EIF2D: variants seen among roughly 807,000 people sequenced by gnomAD.
EIF2D encodes the protein eukaryotic translation initiation factor 2D, also known as hepatocellular carcinoma-associated antigen 56.
Under a neutral mutation model 77.4 loss-of-function variants are expected in EIF2D, and 56 were observed. That is an observed-to-expected ratio of 0.72 (90% CI 0.58 to 0.90). EIF2D has a LOEUF of 0.90. Ranked by LOEUF, EIF2D falls within the 40% of genes least tolerant of loss-of-function variation. The pLI is 0.00. For synonymous variants in EIF2D, 230 were observed against 271.0 expected (o/e 0.85, Z 1.49); for missense variants, 574 against 706.5 (o/e 0.81, Z 2.13).
chr1:206,589,402 G>C (rs1669269932), downstream of EIF2D: 1 of 152,498 alleles, frequency 6.6e-6, no homozygotes, highest in African/African-American at 2.4e-5. Context: ...CCAGTGAGCA[G>C]AGAAATGAAG....
intron 12 of EIF2D, among the ~76,000 whole-genome samples, 181 bp downstream of exon 12, chr1:206,596,919 C>T (rs529776007): frequency 8.1e-6 from 1 of 122,902 alleles, no homozygotes; most frequent in African/African-American, 3.2e-5. Flanking sequence ...CATATTGGCT[C>T]AAATTGTTCC....
chr1:206,608,058 C>A (rs1158032832), intron 4 of EIF2D, among the ~76,000 whole-genome samples, 178 bp downstream of exon 4: 2 of 152,118 alleles, frequency 1.3e-5, no homozygotes, highest in African/African-American at 2.4e-5. Flanking sequence ...TACACTCTGC[C>A]CAGGCACATG....
chr1:206,581,530 C>T (rs1259758673), intron 2 of EIF2D, among the ~76,000 whole-genome samples: 2 of 151,916 alleles, frequency 1.3e-5, no homozygotes, highest in East Asian at 1.9e-4. Flanking sequence ...ACCTGGGAGG[C>T]AGAGATTGCA....
Position 206,593,689 on chromosome 1 carries a change from AG to A in EIF2D, c.1613del (p.Pro538LeufsTer37), listed in dbSNP as rs781876753. 1 of 1,613,976 alleles carries A rather than the reference AG, an allele frequency of 6.2e-7. No homozygotes were observed. The highest frequency in any genetic ancestry group is 8.5e-7 in the Non-Finnish European group (1 of 1,179,958). ...GCACCTGAAGGCTGTCCTTGGCCCC[AG>A]GGGCAGGATTGACGGTGGTGCTAGC... ...CQASTTVNPA[P>X]GAKDSLQVQI... On this transcript the variant is annotated frameshift_variant, in exon 14 of 15. Coordinates refer to ENST00000271764, the MANE Select transcript of EIF2D (RefSeq NM_006893.3). LOFTEE classifies it high-confidence loss of function.
chr1:206,572,210 T>C (rs1303792499), intron 5 of EIF2D, among the ~76,000 whole-genome samples: 1 of 152,192 alleles, frequency 6.6e-6, no homozygotes, highest in Non-Finnish European at 1.5e-5. Context: ...TTGTGTTTTC[T>C]TCAACGCATG....
intron 6 of EIF2D, 79 bp from the exon 7 acceptor site, chr1:206,602,532 T>C: frequency 1.6e-6 from 2 of 1,271,180 alleles, no homozygotes; most frequent in South Asian, 2.4e-5. Flanking sequence ...CCCAGCTTCA[T>C]CCCTACCTCA....
At chr1:206,591,994 A>T in intron 14 of EIF2D, 149 bp from the exon 15 acceptor site, 1 of 691,506 alleles carries the variant, frequency 1.4e-6, no homozygotes, top group East Asian at 2.6e-5. Flanking sequence ...CTCACAGCTG[A>T]TGTGTATATT....
At chr1:206,585,131 C>T (rs781952337) in intron 2 of EIF2D, 8 of 1,437,390 alleles carry the variant, frequency 5.6e-6, no homozygotes, top group South Asian at 2.3e-5. Context: ...GCCTGGGCCC[C>T]GCCCTTCTTT....
At chr1:206,605,528 G>A (rs1312747554) in intron 4 of EIF2D, 21 bp from the exon 5 acceptor site, 20 of 1,602,494 alleles carry the variant, frequency 1.2e-5, no homozygotes, top group Non-Finnish European at 1.7e-5. Flanking sequence ...GGAAGCCAGA[G>A]ACCAGGGTCA....
chr1:206,602,218 C>T, intron 7 of EIF2D, 118 bp downstream of exon 7: 1 of 733,710 alleles, frequency 1.4e-6, no homozygotes, highest in South Asian at 1.7e-5. Context: ...CTTCCCTCCA[C>T]TCTTTCCACA....
intron 11 of EIF2D, 43 bp downstream of exon 11, chr1:206,598,960 C>G: frequency 1.1e-5 from 17 of 1,594,932 alleles, no homozygotes; most frequent in Non-Finnish European, 1.5e-5. Context: ...CTGATAAAGA[C>G]AAAGACCCAA....
At chr1:206,583,480 G>A in intron 2 of EIF2D, 1 of 813,224 alleles carries the variant, frequency 1.2e-6, no homozygotes, top group Non-Finnish European at 2.1e-6. Flanking sequence ...TCCCTGGCAG[G>A]TCCCCTCCCT....
At chr1:206,606,452 C>G (rs1553412727) in intron 4 of EIF2D, among the ~76,000 whole-genome samples, 1 of 152,136 alleles carries the variant, frequency 6.6e-6, no homozygotes, top group Admixed American at 6.5e-5. Flanking sequence ...TCATTACCCC[C>G]ACCACAAACC....
intron 4 of EIF2D, among the ~76,000 whole-genome samples, chr1:206,606,107 G>A (rs1198056266): frequency 2.6e-5 from 4 of 152,166 alleles, no homozygotes; most frequent in Admixed American, 2.0e-4. Context: ...AACTTCCAAA[G>A]CCCAGATGAG....
At chr1:206,594,061 T>A in intron 13 of EIF2D, 1 of 269,788 alleles carries the variant, frequency 3.7e-6, no homozygotes, top group Non-Finnish European at 7.0e-6. Context: ...TTAAGTTTTA[T>A]TTGGAGAATT....
intron 4 of EIF2D, among the ~76,000 whole-genome samples, chr1:206,606,746 A>C (rs781826219): frequency 6.6e-6 from 1 of 152,224 alleles, no homozygotes; most frequent in African/African-American, 2.4e-5. Flanking sequence ...TCAAAGAAGA[A>C]ATTATCAAAA....
At chr1:206,578,927 A>C (rs1252235058) in intron 4 of EIF2D, among the ~76,000 whole-genome samples, 2 of 152,220 alleles carry the variant, frequency 1.3e-5, no homozygotes, top group Non-Finnish European at 2.9e-5. Flanking sequence ...AAAGAAAAAC[A>C]GCTTAGGGCA....
chr1:206,605,573 A>G, intron 4 of EIF2D, 66 bp from the exon 5 acceptor site: 4 of 1,343,382 alleles, frequency 3.0e-6, no homozygotes, highest in South Asian at 1.2e-5. Flanking sequence ...TGTTAGGATC[A>G]TCTTCTGACA....
rs1489510588 is a variant in EIF2D, at chr1:206,608,159, T to C, written c.422+77A>G. The C allele has an allele frequency of 1.1e-5, 15 of 1,403,072 alleles. No homozygotes were observed. In the South Asian group the frequency reaches 1.5e-4, roughly 14 times the overall value. The allele number at this position is 1,403,072 out of a possible 1,614,324, so 86.9% of individuals were successfully genotyped here. On this transcript the variant is annotated intron_variant, in intron 4 of 14. Coordinates refer to ENST00000271764, the MANE Select transcript of EIF2D (RefSeq NM_006893.3). ...GCTTTCACTCTTTTGTTCATATGCTTTATAAGTTGTCATTCCCCTCCAACT... is the reference window on the plus strand; with the variant it reads ...GCTTTCACTCTTTTGTTCATATGCTCTATAAGTTGTCATTCCCCTCCAACT...
Sources: allele counts gnomAD v4.1 joint callset (sites outside exome capture counted in the v4.1 genomes callset), GRCh38; gene constraint gnomAD v4.1.1; transcripts MANE v1.5; gene names NCBI Gene and HGNC (gene_info 2026-07-23, HGNC 2026-07-21).